Variants in PPP1R14C observed in about 807,000 individuals in gnomAD.
PPP1R14C encodes protein phosphatase 1 regulatory inhibitor subunit 14C, also known as protein phosphatase 1 regulatory subunit 14C.
PPP1R14C carries 16 observed loss-of-function variants against 20.4 expected under a neutral mutation model. That is an observed-to-expected ratio of 0.78 (90% confidence interval 0.53 to 1.19). PPP1R14C has a LOEUF of 1.19. Among genes scored for constraint, PPP1R14C ranks in the 50% most tolerant of loss-of-function variants. The probability of loss-of-function intolerance (pLI) is 0.00; values close to 1 mark genes in which losing one functional copy is unlikely to be tolerated. For missense variants in PPP1R14C, 211 were observed against 220.1 expected (o/e 0.96, Z 0.26); for synonymous variants, 91 against 91.0 (o/e 1.00, Z 0.00).
chr6:150,237,852 T>C (rs1380174941), intron 3 of PPP1R14C, among the ~76,000 whole-genome samples: 1 of 151,958 alleles, frequency 6.6e-6, no homozygotes, highest in Non-Finnish European at 1.5e-5. Context: ...GTGTGGTATG[T>C]ATTGGGTGAC....
At chr6:150,209,504 TTG>T (rs1777994131) in intron 1 of PPP1R14C, among the ~76,000 whole-genome samples, 1 of 149,940 alleles carries the variant, frequency 6.7e-6, no homozygotes, top group African/African-American at 2.5e-5. Flanking sequence ...GTGTGTATGT[TTG>T]TGTATGTGTT....
At chr6:150,145,964 T>A (rs9371775) in intron 1 of PPP1R14C, among the ~76,000 whole-genome samples, 1 of 151,924 alleles carries the variant, frequency 6.6e-6, no homozygotes, top group East Asian at 1.9e-4. Flanking sequence ...CAGTGTAAAG[T>A]GATGTATTTA....
At chr6:150,149,131 C>A (rs1010181972) in intron 1 of PPP1R14C, among the ~76,000 whole-genome samples, 6 of 152,094 alleles carry the variant, frequency 3.9e-5, no homozygotes, top group Non-Finnish European at 8.8e-5. Flanking sequence ...AACTGCTTAA[C>A]ACATTCCCTT....
chr6:150,229,139 A>G (rs553675771), intron 3 of PPP1R14C, among the ~76,000 whole-genome samples: 1 of 152,314 alleles, frequency 6.6e-6, no homozygotes, highest in East Asian at 1.9e-4. Flanking sequence ...AATGTGACAC[A>G]TGACTTTAAT....
At chr6:150,211,471 A>G (rs370270460) in intron 1 of PPP1R14C, among the ~76,000 whole-genome samples, 5 of 152,216 alleles carry the variant, frequency 3.3e-5, no homozygotes, top group African/African-American at 9.6e-5. Flanking sequence ...TAATGTGGGA[A>G]AATGCCCAAA....
chr6:150,149,303 GTGTGTGTGTGTGTGTGTGTGTA>G (rs2114849563), intron 1 of PPP1R14C, among the ~76,000 whole-genome samples: 1 of 148,654 alleles, frequency 6.7e-6, no homozygotes, highest in South Asian at 2.1e-4. Context: ...ATACATATGT[GTGTGTGTGTGTGTGTGTGTGTA>G]TGTGTGTGTA....
At chr6:150,187,325 G>A (rs114344149) in intron 1 of PPP1R14C, among the ~76,000 whole-genome samples, 2,385 of 150,280 alleles carry the variant, frequency 0.016, 58 homozygotes, top group African/African-American at 0.056. Flanking sequence ...TTTAAGTTCG[G>A]GGTATAAGTG....
At chr6:150,225,659 A>G (rs1778222447) in intron 3 of PPP1R14C, among the ~76,000 whole-genome samples, 1 of 152,216 alleles carries the variant, frequency 6.6e-6, no homozygotes, top group African/African-American at 2.4e-5. Context: ...AGGAAGTCTC[A>G]TTTAATCTTC....
chr6:150,240,329 G>T (rs1778416841), intron 3 of PPP1R14C, among the ~76,000 whole-genome samples: 2 of 152,162 alleles, frequency 1.3e-5, no homozygotes, highest in Admixed American at 1.3e-4. Flanking sequence ...TTCGCGTTTT[G>T]AACAAAGAAT....
chr6:150,155,899 C>A lies in PPP1R14C; in HGVS notation c.306+12401C>A, dbSNP rs188492162. On this transcript the variant is annotated intron_variant, in intron 1 of 3. Coordinates refer to ENST00000361131, the MANE Select transcript of PPP1R14C (RefSeq NM_030949.3). ...AATTAGCCAGGTGTGATGGTGGGCA[C>A]CTGTAATCCCAGCTACTCAGGAGGC... Among the ~76,000 whole-genome samples the A allele has an allele frequency of 6.6e-4, 100 of 151,524 alleles. 1 individual carries two copies. The highest frequency in any genetic ancestry group is 1.6e-3 in the Admixed American group (24 of 15,238).
chr6:150,231,191 A>T (rs756694709), intron 3 of PPP1R14C, among the ~76,000 whole-genome samples: 1 of 152,194 alleles, frequency 6.6e-6, no homozygotes, highest in Non-Finnish European at 1.5e-5. Context: ...CCGCTGCCGC[A>T]TCCCCTCCGA....
chr6:150,246,614 G>A (rs1778495776), intron 3 of PPP1R14C, among the ~76,000 whole-genome samples: 1 of 152,146 alleles, frequency 6.6e-6, no homozygotes, highest in African/African-American at 2.4e-5. Context: ...AGAAATGGTG[G>A]TGATTAAAAT....
At chr6:150,168,227 C>G (rs1167016705) in intron 1 of PPP1R14C, among the ~76,000 whole-genome samples, 1 of 134,752 alleles carries the variant, frequency 7.4e-6, no homozygotes, top group African/African-American at 2.8e-5. Flanking sequence ...ACAACTGGCT[C>G]TCATGGGAGA....
chr6:150,203,031 A>G (rs928297149), intron 1 of PPP1R14C, among the ~76,000 whole-genome samples: 4 of 152,152 alleles, frequency 2.6e-5, no homozygotes, highest in Non-Finnish European at 5.9e-5. Context: ...TTGCTACATT[A>G]TTATTAGCTA....
chr6:150,177,541 C>T (rs985382686), intron 1 of PPP1R14C, among the ~76,000 whole-genome samples: 1 of 152,124 alleles, frequency 6.6e-6, no homozygotes, highest in African/African-American at 2.4e-5. Flanking sequence ...ATCCGGTGGT[C>T]ACAGATAGCC....
chr6:150,149,395 G>A (rs893321455), intron 1 of PPP1R14C, among the ~76,000 whole-genome samples: 3 of 150,984 alleles, frequency 2.0e-5, no homozygotes, highest in Admixed American at 6.6e-5. Context: ...GGGCTATCAC[G>A]GCTCATTGCA....
chr6:150,203,633 G>A (rs1777905693), intron 1 of PPP1R14C, among the ~76,000 whole-genome samples: 1 of 152,218 alleles, frequency 6.6e-6, no homozygotes, highest in Non-Finnish European at 1.5e-5. Flanking sequence ...ATCTAACACT[G>A]CAGCAACCCC....
intron 3 of PPP1R14C, among the ~76,000 whole-genome samples, chr6:150,241,812 G>T (rs371817467): frequency 2.6e-5 from 4 of 152,272 alleles, no homozygotes; most frequent in East Asian, 3.9e-4. Flanking sequence ...GCTTGAACCC[G>T]GGAGGCGGAG....
rs114448972 is a variant in PPP1R14C, at chr6:150,176,629, G to A, written c.306+33131G>A. ...TATTTTGGTGGATTTGTGGATTGGC[G>A]TCCCTGGTCCAGAAGAGTTTTATTA... On this transcript the variant is annotated intron_variant, in intron 1 of 3. Coordinates refer to ENST00000361131, the MANE Select transcript of PPP1R14C (RefSeq NM_030949.3). Among the ~76,000 whole-genome samples the A allele has an allele frequency of 6.2e-3, 941 of 152,274 alleles. 18 individuals carry two copies. Among genetic ancestry groups the A allele is most frequent in the African/African-American group, 0.021 (879 of 41,552 alleles).
Sources: allele counts gnomAD v4.1 joint callset (sites outside exome capture counted in the v4.1 genomes callset), GRCh38; gene constraint gnomAD v4.1.1; transcripts MANE v1.5; gene names NCBI Gene and HGNC (gene_info 2026-07-23, HGNC 2026-07-21).